Variants in TTYH3 observed in about 807,000 individuals in gnomAD.
TTYH3 encodes the protein tweety family member 3, also known as protein tweety homolog 3.
A neutral mutation model predicts 68.2 loss-of-function variants in TTYH3; 23 were observed. That is an observed-to-expected ratio of 0.34 (90% CI 0.24 to 0.48). The LOEUF is 0.48. TTYH3 is among the 20% of genes least tolerant of loss of function. The pLI is 0.99. For missense variants in TTYH3, 768 were observed against 727.7 expected, an observed-to-expected ratio of 1.06 and a Z score of -0.64; for synonymous variants, 360 against 332.8, an observed-to-expected ratio of 1.08 and a Z score of -0.89.
intron 1 of TTYH3, among the ~76,000 whole-genome samples, chr7:2,635,749 G>C (rs916288087): frequency 6.6e-6 from 1 of 152,242 alleles, no homozygotes; most frequent in Non-Finnish European, 1.5e-5. Context: ...AGGGCAGATA[G>C]TGGGCCCTGC....
At position 2,632,176 on chromosome 7, in the gene TTYH3, G is replaced by C; in HGVS notation, c.21G>C (p.Ala7=). Residue 7 remains alanine, a synonymous_variant, in exon 1 of 14, where the codon GCG becomes GCC. Coordinates refer to ENST00000258796, the MANE Select transcript of TTYH3 (RefSeq NM_025250.3). MAGVSY[A]APWWVSLLHR... is the part of the protein sequence containing the mutation. ...CCGCCATGGCCGGGGTCAGCTACGCGGCGCCCTGGTGGGTGAGCCTCCTGC... is the reference window on the plus strand; with the variant it reads ...CCGCCATGGCCGGGGTCAGCTACGCCGCGCCCTGGTGGGTGAGCCTCCTGC... 2 of 1,495,108 alleles carry C rather than the reference G, an allele frequency of 1.3e-6. No homozygotes were observed. The highest frequency in any genetic ancestry group is 1.8e-6 in the Non-Finnish European group (2 of 1,114,146). The allele number at this position is 1,495,108 out of a possible 1,614,324, so 92.6% of individuals were successfully genotyped here.
chr7:2,647,774 A>G, intron 4 of TTYH3, 136 bp downstream of exon 4: 1 of 1,088,912 alleles, frequency 9.2e-7, no homozygotes, highest in Non-Finnish European at 1.3e-6. Context: ...GGTCACAGGC[A>G]GTGGCTGGAG....
intron 11 of TTYH3, among the ~76,000 whole-genome samples, chr7:2,657,123 A>G (rs540049282): frequency 1.3e-5 from 2 of 152,218 alleles, no homozygotes; most frequent in Non-Finnish European, 2.9e-5. Flanking sequence ...TATTGGGGTG[A>G]CAGGCTCCTT....
intron 1 of TTYH3, 152 bp from the exon 2 acceptor site, chr7:2,646,701 C>T: frequency 1.2e-6 from 1 of 827,188 alleles, no homozygotes; most frequent in East Asian, 2.7e-5. Context: ...TGGGAGACTC[C>T]ATGCCTCACC....
intron 9 of TTYH3, among the ~76,000 whole-genome samples, chr7:2,653,880 T>A (rs1562717255): frequency 6.6e-6 from 1 of 151,730 alleles, no homozygotes; most frequent in South Asian, 2.1e-4. Flanking sequence ...AAAATAAAAA[T>A]AAAAAATAAA....
At chr7:2,652,897 T>A in intron 8 of TTYH3, 21 bp from the exon 9 acceptor site, 2 of 1,548,256 alleles carry the variant, frequency 1.3e-6, no homozygotes, top group South Asian at 1.2e-5. Flanking sequence ...GCCCATGGAC[T>A]TGGTCTCCTC....
chr7:2,659,962 C>G (rs1786445941), intron 13 of TTYH3: 1 of 1,303,918 alleles, frequency 7.7e-7, no homozygotes, highest in Non-Finnish European at 1.0e-6. Flanking sequence ...GCCCTGGACT[C>G]TGGCAGCCAC....
chr7:2,661,837 G>A lies in TTYH3; in HGVS notation c.*98G>A, dbSNP rs543982177. On this transcript the variant is annotated 3_prime_UTR_variant, in exon 14 of 14. Transcript: ENST00000258796. ...GCCACCCACCGGACCCTCGCACGCC[G>A]TGCCAGGCCTGCCCCAGACGCGTCT... 25 of 1,334,754 alleles carry A rather than the reference G, an allele frequency of 1.9e-5. No homozygotes were observed. The highest frequency in any genetic ancestry group is 9.9e-5 in the Admixed American group (5 of 50,520). The allele number at this position is 1,334,754 out of a possible 1,614,324, so 82.7% of individuals were successfully genotyped here.
At chr7:2,649,848 C>T (rs1320577895) in intron 6 of TTYH3, 65 bp from the exon 7 acceptor site, 2 of 1,578,480 alleles carry the variant, frequency 1.3e-6, no homozygotes, top group Non-Finnish European at 1.7e-6. Flanking sequence ...ACGGGTTCTA[C>T]CCCCGAGAGC....
chr7:2,647,347 G>C, intron 3 of TTYH3, 71 bp from the exon 4 acceptor site: 1 of 1,492,550 alleles, frequency 6.7e-7, no homozygotes, highest in Middle Eastern at 2.3e-4. Flanking sequence ...GACTGGGGCT[G>C]TGCAGGAGGG....
intron 11 of TTYH3, among the ~76,000 whole-genome samples, chr7:2,658,075 G>GC (rs1786385566): frequency 6.6e-6 from 1 of 152,242 alleles, no homozygotes; most frequent in African/African-American, 2.4e-5. Context: ...GCACTCGGGT[G>GC]ACCACACAGG....
At position 2,661,720 on chromosome 7, in the gene TTYH3, A is replaced by G. The variant is rs1786502891; in HGVS notation, c.1553A>G (p.Asp518Gly). ...CTCGCCACGAGCCAGCCTCGCCCTG[A>G]CTCCAGCGGCAGCCACTAGACCGCG... ...KYLATSQPRP[D>G]SSGSH The change falls in exon 14 of 14, where the codon GAC becomes GGC. Residue 518 changes from aspartate to glycine, a missense_variant. By Grantham distance (94) the Asp-to-Gly change is moderately conservative. Coordinates refer to ENST00000258796, the MANE Select transcript of TTYH3 (RefSeq NM_025250.3). The G allele has an allele frequency of 1.9e-6, 3 of 1,610,190 alleles. No individual in the cohort carries two copies. The highest frequency in any genetic ancestry group is 2.5e-6 in the Non-Finnish European group (3 of 1,179,106).
At chr7:2,638,423 G>A (rs1241945230) in intron 1 of TTYH3, among the ~76,000 whole-genome samples, 2 of 152,108 alleles carry the variant, frequency 1.3e-5, no homozygotes, top group Non-Finnish European at 2.9e-5. Flanking sequence ...AAAGGGGCCC[G>A]GCCTGTGGGG....
In TTYH3 at chr7:2,649,518, C is replaced by T. The variant is rs547300045; in HGVS notation, c.723-49C>T. 77 of 1,529,498 alleles carry T rather than the reference C, an allele frequency of 5.0e-5. 1 individual carries two copies. The highest frequency in any genetic ancestry group is 3.8e-4 in the South Asian group (32 of 84,136). 94.7% of individuals were successfully genotyped at this position (1,529,498 alleles called of 1,614,324 possible). On this transcript the variant is annotated intron_variant, in intron 5 of 13. Transcript: ENST00000258796. ...CTGGCCTGCAGCCCAGCAGGTGGCA[C>T]GGCCCCCACCCTGGCCTGGGGGCTG...
chr7:2,648,213 C>T (rs1242271736), intron 5 of TTYH3, 159 bp downstream of exon 5: 6 of 651,206 alleles, frequency 9.2e-6, no homozygotes, highest in South Asian at 7.8e-5. Context: ...CTGAGATGCC[C>T]CTTCTGTGCC....
intron 5 of TTYH3, chr7:2,648,331 C>T (rs1786058631): frequency 2.5e-6 from 1 of 407,354 alleles, no homozygotes; most frequent in African/African-American, 2.1e-5. Context: ...CTGAAGCAAC[C>T]TGCCCAGGTC....
At chr7:2,635,186 T>C (rs944468003) in intron 1 of TTYH3, among the ~76,000 whole-genome samples, 24 of 152,184 alleles carry the variant, frequency 1.6e-4, no homozygotes, top group Non-Finnish European at 2.4e-4. Context: ...GCCTGAGGCC[T>C]CTGGCGTGGC....
At position 2,655,614 on chromosome 7, in the gene TTYH3, C is replaced by T. The variant is rs547878740; in HGVS notation, c.1021-478C>T. Among the ~76,000 whole-genome samples, 9 of 152,354 alleles carry T rather than the reference C, an allele frequency of 5.9e-5. No individual in the cohort carries two copies. In the South Asian group the frequency reaches 8.3e-4, roughly 14 times the overall value. ...GGTGGTGTCCGTGCACAGGTGCACACGCATGCACACACGTAAGCACCGGTG... is the reference window on the plus strand; with the variant it reads ...GGTGGTGTCCGTGCACAGGTGCACATGCATGCACACACGTAAGCACCGGTG... On this transcript the variant is annotated intron_variant, in intron 9 of 13. Coordinates refer to ENST00000258796, the MANE Select transcript of TTYH3 (RefSeq NM_025250.3).
At chr7:2,643,597 G>T (rs1233272151) in intron 1 of TTYH3, among the ~76,000 whole-genome samples, 1 of 152,198 alleles carries the variant, frequency 6.6e-6, no homozygotes, top group Non-Finnish European at 1.5e-5. Flanking sequence ...TCAGCCCTCT[G>T]CACCAGGGCA....
Sources: allele counts gnomAD v4.1 joint callset (sites outside exome capture counted in the v4.1 genomes callset), GRCh38; gene constraint gnomAD v4.1.1; transcripts MANE v1.5; gene names NCBI Gene and HGNC (gene_info 2026-07-23, HGNC 2026-07-21).